The following SPAG16 variants were observed in gnomAD, a reference collection of about 807,000 sequenced individuals.
SPAG16 encodes sperm associated antigen 16, also known as sperm-associated antigen 16 protein.
A neutral mutation model predicts 80.4 loss-of-function variants in SPAG16; 86 were observed. The ratio of observed to expected loss-of-function variants is 1.07; its 90% CI spans 0.90 to 1.28. The LOEUF (loss-of-function observed/expected upper bound fraction) is 1.28. Among genes scored for constraint, SPAG16 ranks in the 50% most tolerant of loss-of-function variants. The probability of loss-of-function intolerance (pLI) is 0.00; values close to 1 mark genes in which losing one functional copy is unlikely to be tolerated. For synonymous variants in SPAG16, 294 were observed against 265.9 expected, an observed-to-expected ratio of 1.11 and a Z score of -1.03; for missense variants, 870 against 765.3, an observed-to-expected ratio of 1.14 and a Z score of -1.61.
intron 9 of SPAG16, among the ~76,000 whole-genome samples, chr2:213,475,569 C>T (rs767594912): frequency 1.3e-5 from 2 of 152,148 alleles, no homozygotes; most frequent in Non-Finnish European, 2.9e-5. Context: ...GGTACTGGCA[C>T]CATGGATGGG....
At chr2:214,296,378 T>G (rs1031647565) in intron 15 of SPAG16, among the ~76,000 whole-genome samples, 1 of 152,214 alleles carries the variant, frequency 6.6e-6, no homozygotes, top group Non-Finnish European at 1.5e-5. Flanking sequence ...CCTTTGGATA[T>G]AATAACTTCT....
Position 213,837,753 on chromosome 2 carries a change from G to A in SPAG16, c.1071-24732G>A, listed in dbSNP as rs138172366. Among the ~76,000 whole-genome samples the A allele has an allele frequency of 2.6e-5, 4 of 152,296 alleles. No individual in the cohort carries two copies. The East Asian group carries it at 7.7e-4, about 29-fold the overall frequency. ...GATTAAGTTGGGAATATTAAGATAA[G>A]GAGGTTTTCCTGGATTATCTGAGTA... On this transcript the variant is annotated intron_variant, in intron 10 of 15. Coordinates refer to ENST00000331683, the MANE Select transcript of SPAG16 (RefSeq NM_024532.5).
At chr2:213,849,119 G>A (rs2074775941) in intron 10 of SPAG16, among the ~76,000 whole-genome samples, 1 of 152,164 alleles carries the variant, frequency 6.6e-6, no homozygotes, top group Non-Finnish European at 1.5e-5. Context: ...CATCTGGCGA[G>A]GACCTCAGGC....
intron 10 of SPAG16, among the ~76,000 whole-genome samples, chr2:213,727,631 A>T (rs1450737881): frequency 6.6e-6 from 1 of 152,122 alleles, no homozygotes; most frequent in Non-Finnish European, 1.5e-5. Context: ...AATAAATGAG[A>T]AAAGGAGTGT....
chr2:214,261,022 G>A (rs554971636), intron 15 of SPAG16, among the ~76,000 whole-genome samples: 15 of 146,624 alleles, frequency 1.0e-4, no homozygotes, highest in African/African-American at 3.6e-4. Flanking sequence ...CAGGAGAATC[G>A]CTTGAACCTG....
chr2:214,249,768 AATTATAAATATTGCTG>A (rs1690116683), intron 15 of SPAG16, among the ~76,000 whole-genome samples: 2 of 152,244 alleles, frequency 1.3e-5, no homozygotes, highest in South Asian at 2.1e-4. Context: ...AAATTTTTAA[AATTATAAATATTGCTG>A]ATTTGGAGCC....
At chr2:213,296,658 T>G (rs2062510764) in intron 2 of SPAG16, among the ~76,000 whole-genome samples, 1 of 152,174 alleles carries the variant, frequency 6.6e-6, no homozygotes, top group African/African-American at 2.4e-5. Flanking sequence ...CTGGCGAGCC[T>G]GGGTGAGCAA....
intron 10 of SPAG16, among the ~76,000 whole-genome samples, chr2:213,786,616 C>T (rs2070359737): frequency 6.6e-6 from 1 of 152,048 alleles, no homozygotes; most frequent in African/African-American, 2.4e-5. Context: ...CACTTTGTGG[C>T]CTCAGATAGA....
At chr2:213,682,860 A>C (rs1165671914) in intron 10 of SPAG16, among the ~76,000 whole-genome samples, 1 of 152,154 alleles carries the variant, frequency 6.6e-6, no homozygotes, top group Non-Finnish European at 1.5e-5. Flanking sequence ...GGGAACTTAA[A>C]ATTGCTGTGT....
At chr2:213,932,311 G>A (rs1227656407) in intron 12 of SPAG16, among the ~76,000 whole-genome samples, 1 of 151,354 alleles carries the variant, frequency 6.6e-6, no homozygotes, top group Non-Finnish European at 1.5e-5. Flanking sequence ...TGCTTTCTGG[G>A]TTCAAGCAGT....
At chr2:213,592,280 T>C (rs1366090538) in intron 10 of SPAG16, among the ~76,000 whole-genome samples, 1 of 152,206 alleles carries the variant, frequency 6.6e-6, no homozygotes, top group African/African-American at 2.4e-5. Context: ...ATCTACCTGC[T>C]TTACTCGTGT....
intron 8 of SPAG16, among the ~76,000 whole-genome samples, chr2:213,367,190 A>G (rs932765645): frequency 6.6e-6 from 1 of 151,690 alleles, no homozygotes; most frequent in Non-Finnish European, 1.5e-5. Flanking sequence ...TCTATCATTG[A>G]TGGACATTTG....
intron 13 of SPAG16, among the ~76,000 whole-genome samples, chr2:214,061,703 CA>C (rs59805227): frequency 0.37 from 56,398 of 151,752 alleles, 11,059 homozygotes; most frequent in Non-Finnish European, 0.42. Context: ...TATGTTTGAC[CA>C]AAAACTGGAT....
At chr2:213,466,311 A>G (rs1413532816) in intron 9 of SPAG16, among the ~76,000 whole-genome samples, 3 of 152,184 alleles carry the variant, frequency 2.0e-5, no homozygotes, top group African/African-American at 7.2e-5. Context: ...CCTCACTGAT[A>G]CATAAAGATT....
chr2:213,600,506 AG>A (rs1246269010), intron 10 of SPAG16, among the ~76,000 whole-genome samples: 1 of 152,230 alleles, frequency 6.6e-6, no homozygotes, highest in Non-Finnish European at 1.5e-5. Context: ...GTATTGTGGT[AG>A]GTGCTGAATC....
intron 9 of SPAG16, among the ~76,000 whole-genome samples, chr2:213,430,729 A>G (rs762984594): frequency 3.9e-5 from 6 of 152,204 alleles, no homozygotes. Context: ...GAGGACCAAC[A>G]AACACCAGAA....
At chr2:214,232,564 C>CTGTGATTTAG (rs1331724563) in intron 15 of SPAG16, among the ~76,000 whole-genome samples, 10 of 150,112 alleles carry the variant, frequency 6.7e-5, no homozygotes, top group Non-Finnish European at 1.2e-4. Flanking sequence ...TAAATTACTG[C>CTGTGATTTAG]TCACCTCTGA....
chr2:213,957,781 G>C (rs576532121), intron 12 of SPAG16, among the ~76,000 whole-genome samples: 36 of 152,026 alleles, frequency 2.4e-4, no homozygotes, highest in South Asian at 2.1e-4. Context: ...GGTTACCATA[G>C]AGATTACATT....
intron 12 of SPAG16, among the ~76,000 whole-genome samples, chr2:213,949,826 C>T (rs2079655273): frequency 6.6e-6 from 1 of 152,146 alleles, no homozygotes; most frequent in African/African-American, 2.4e-5. Flanking sequence ...AATTGTGAAG[C>T]AGAATATTCA....
Sources: allele counts gnomAD v4.1 joint callset (sites outside exome capture counted in the v4.1 genomes callset), GRCh38; gene constraint gnomAD v4.1.1; transcripts MANE v1.5; gene names NCBI Gene and HGNC (gene_info 2026-07-23, HGNC 2026-07-21).